HYDIN: variants seen among roughly 807,000 people sequenced by gnomAD.
HYDIN encodes the protein HYDIN axonemal central pair apparatus protein, also known as axonemal central pair apparatus protein HYDIN.
HYDIN carries 132 observed loss-of-function variants against 403.9 expected under a neutral mutation model. The ratio of observed to expected loss-of-function variants is 0.33; its 90% CI spans 0.28 to 0.38. HYDIN has a LOEUF of 0.38. HYDIN is among the 10% of genes least tolerant of loss of function. The pLI, the probability that HYDIN is intolerant of heterozygous loss-of-function variation, is 1.00. For missense variants in HYDIN, 2,827 were observed against 5,009.5 expected (o/e 0.56, Z 13.15); for synonymous variants, 1,202 against 1,891.7 (o/e 0.64, Z 9.46).
intron 1 of HYDIN, among the ~76,000 whole-genome samples, chr16:71,200,347 C>T (rs988857620): frequency 5.9e-5 from 9 of 152,172 alleles, no homozygotes; most frequent in African/African-American, 1.7e-4. Context: ...TGCACAAGAT[C>T]CCAGAACCCT....
intron 10 of HYDIN, among the ~76,000 whole-genome samples, chr16:71,110,506 T>C (rs1042625281): frequency 2.1e-5 from 3 of 143,478 alleles, no homozygotes; most frequent in African/African-American, 7.6e-5. Flanking sequence ...TTCATATATA[T>C]ATATCAATAT....
chr16:70,890,384 T>A (rs2041398443), intron 57 of HYDIN, among the ~76,000 whole-genome samples: 1 of 152,176 alleles, frequency 6.6e-6, no homozygotes, highest in South Asian at 2.1e-4. Context: ...AAAACCAATG[T>A]AAAGCAAAAC....
intron 70 of HYDIN, 29 bp from the exon 71 acceptor site, chr16:70,860,235 G>A (rs759701631): frequency 6.2e-7 from 1 of 1,606,564 alleles, no homozygotes; most frequent in Non-Finnish European, 8.5e-7. Context: ...ATTGACAGAA[G>A]AGAGTGGGAC....
chr16:71,084,298 A>AT (rs901164831), intron 12 of HYDIN, among the ~76,000 whole-genome samples: 4 of 148,538 alleles, frequency 2.7e-5, no homozygotes, highest in African/African-American at 1.0e-4. Flanking sequence ...TAATTTATTT[A>AT]TTTTTTCTTT....
chr16:71,195,491 C>T (rs574312512), intron 1 of HYDIN, among the ~76,000 whole-genome samples: 39 of 152,216 alleles, frequency 2.6e-4, no homozygotes, highest in African/African-American at 8.9e-4. Flanking sequence ...ACTCAAATAC[C>T]GTATGACTTT....
intron 12 of HYDIN, among the ~76,000 whole-genome samples, chr16:71,082,024 T>C (rs2082799566): frequency 3.4e-5 from 5 of 146,620 alleles, no homozygotes; most frequent in African/African-American, 1.3e-4. Context: ...GAAAGTATAA[T>C]ATTTGTTATG....
intron 42 of HYDIN, among the ~76,000 whole-genome samples, chr16:70,942,599 G>A (rs1798383): frequency 1.3e-5 from 2 of 152,392 alleles, no homozygotes; most frequent in East Asian, 3.9e-4. Flanking sequence ...TACTCAAAGT[G>A]TAGCCCATAG....
intron 29 of HYDIN, among the ~76,000 whole-genome samples, chr16:70,980,351 T>TA (rs1460853637): frequency 6.6e-6 from 1 of 151,140 alleles, no homozygotes; most frequent in Admixed American, 6.6e-5. Context: ...AAAAAAAAAT[T>TA]AAAAAATTAG....
At chr16:70,978,777 G>C (rs2078960818) in intron 30 of HYDIN, 137 bp downstream of exon 30, 2 of 800,004 alleles carry the variant, frequency 2.5e-6, no homozygotes, top group Non-Finnish European at 3.8e-6. Flanking sequence ...CCTTGCCCCT[G>C]GGCTTCTGCA....
rs758303167 is a variant in HYDIN, at chr16:70,981,412, C to T, written c.4489G>A (p.Asp1497Asn). 169 of 1,613,294 alleles carry T rather than the reference C, an allele frequency of 1.0e-4. No individual in the cohort carries two copies. The highest frequency in any genetic ancestry group is 2.7e-4 in the Admixed American group (16 of 59,956). The part of the protein sequence containing the change: ...GEGIFPQICL[D>N]LPRNLTANEK... ...CTACCTGTGAGGTTCCTGGGGAGAT[C>T]GAGGCAGATTTGGGGAAAGATTCCC... The change falls in exon 29 of 86, where the codon GAT becomes AAT. Residue 1497 changes from aspartate (D) to asparagine (N), a missense_variant. Coordinates refer to ENST00000393567, the MANE Select transcript of HYDIN (RefSeq NM_001270974.2).
chr16:70,924,984 G>T (rs1469064118), intron 45 of HYDIN, among the ~76,000 whole-genome samples: 1 of 151,136 alleles, frequency 6.6e-6, no homozygotes, highest in Non-Finnish European at 1.5e-5. Flanking sequence ...AAAAGAAAAA[G>T]AAAAAGAAAA....
chr16:71,020,321 C>CA lies in HYDIN; in HGVS notation c.3187-5dup. 1 of 1,608,756 alleles carries CA rather than the reference C, an allele frequency of 6.2e-7. No individual in the cohort carries two copies. The highest frequency in any genetic ancestry group is 8.5e-7 in the Non-Finnish European group (1 of 1,178,538). On this transcript the variant is annotated splice_polypyrimidine_tract_variant and splice_region_variant and intron_variant, in intron 21 of 85. Coordinates refer to ENST00000393567, the MANE Select transcript of HYDIN (RefSeq NM_001270974.2). ...GTTTCAGGATACTGTTAGGTTTCTG[C>CA]AAAAACAGAAAAAGAGGAAACAAAT...
intron 4 of HYDIN, among the ~76,000 whole-genome samples, chr16:71,176,692 A>C (rs1041423465): frequency 6.6e-6 from 1 of 152,214 alleles, no homozygotes; most frequent in African/African-American, 2.4e-5. Flanking sequence ...AGCAGCTCCC[A>C]ACAGCTCCAT....
intron 18 of HYDIN, among the ~76,000 whole-genome samples, chr16:71,049,245 T>C (rs1340275113): frequency 6.6e-6 from 1 of 152,224 alleles, no homozygotes; most frequent in East Asian, 1.9e-4. Flanking sequence ...TGAGGCCTAA[T>C]GTCCCCTGCT....
rs2076600331 is a variant in HYDIN, at chr16:70,908,517, T to C, written c.8214-83A>G. ...ACAGGAGAGCTGCCTGGAAGTCCTGTCCTGTTGGGGTGGGCATGGTGGCCC... is the reference window on the plus strand; with the variant it reads ...ACAGGAGAGCTGCCTGGAAGTCCTGCCCTGTTGGGGTGGGCATGGTGGCCC... On this transcript the variant is annotated intron_variant, in intron 48 of 85. Transcript: ENST00000393567. The C allele has an allele frequency of 2.6e-5, 39 of 1,481,676 alleles. No homozygotes were observed. The South Asian group carries it at 4.7e-4, about 18-fold the overall frequency. The allele number at this position is 1,481,676 out of a possible 1,614,324, so 91.8% of individuals were successfully genotyped here. A position where few individuals can be genotyped will look rare whatever the true frequency, so the allele number is the denominator to read the frequency against.
Position 70,818,555 on chromosome 16 carries a change from C to T in HYDIN, c.14445G>A (p.Glu4815=). The T allele has an allele frequency of 4.3e-6, 5 of 1,174,370 alleles. No individual in the cohort carries two copies. Among genetic ancestry groups the T allele is most frequent in the Non-Finnish European group, 6.1e-6 (5 of 814,776 alleles). The allele number at this position is 1,174,370 out of a possible 1,614,324, so 72.7% of individuals were successfully genotyped here. A position where few individuals can be genotyped will look rare whatever the true frequency, so the allele number is the denominator to read the frequency against. ...TGTAGTACAAGAACTCATTTGTCAC[C>T]TCGTTTCGGAAGATCACCTGCATTC... ...TYAAKVIFRN[E]VTNEFLYYNV... The change falls in exon 84 of 86, where the codon GAG becomes GAA. Residue 4815 remains glutamate, a synonymous_variant. Transcript: ENST00000393567.
chr16:71,126,556 T>C (rs1015806692), intron 9 of HYDIN, among the ~76,000 whole-genome samples: 1 of 152,164 alleles, frequency 6.6e-6, no homozygotes, highest in Non-Finnish European at 1.5e-5. Flanking sequence ...GTCCACGTGG[T>C]CCAAGTCTCT....
chr16:71,056,222 T>C (rs186956503), intron 18 of HYDIN, among the ~76,000 whole-genome samples: 1,811 of 151,044 alleles, frequency 0.012, 13 homozygotes, highest in Non-Finnish European at 0.018. Flanking sequence ...TGGTGGAGGC[T>C]GATATTCCAG....
At chr16:70,930,013 A>G (rs571560521) in intron 45 of HYDIN, among the ~76,000 whole-genome samples, 6 of 152,250 alleles carry the variant, frequency 3.9e-5, no homozygotes, top group Non-Finnish European at 5.9e-5. Context: ...AAATAGAAAC[A>G]TAACTCCCTG....
Sources: gnomAD v4.1 joint callset for allele counts (sites outside exome capture counted in the v4.1 genomes callset) on GRCh38, gnomAD v4.1.1 for gene constraint, MANE v1.5 for transcripts, NCBI Gene and HGNC (gene_info 2026-07-23, HGNC 2026-07-21) for gene names.